HCFC2: variants seen among roughly 807,000 people sequenced by gnomAD.
HCFC2 encodes the protein host cell factor 2.
In HCFC2, 18 loss-of-function variants were observed where a neutral mutation model predicts 89.2. The observed-to-expected ratio is 0.20, with a 90% CI of 0.14 to 0.30. The LOEUF is 0.30. HCFC2 is among the 10% of genes least tolerant of loss of function. The pLI is 1.00. For synonymous variants in HCFC2, 308 were observed against 335.7 expected, an observed-to-expected ratio of 0.92 and a Z score of 0.90; for missense variants, 578 against 956.1, an observed-to-expected ratio of 0.60 and a Z score of 5.21.
At chr12:104,087,090 C>T (rs1883875758) in intron 8 of HCFC2, 76 bp downstream of exon 8, 10 of 1,417,136 alleles carry the variant, frequency 7.1e-6, no homozygotes, top group Non-Finnish European at 7.7e-6. Context: ...CGCGGTGGCT[C>T]ACGCCTGTAA....
At chr12:104,080,692 A>T in intron 4 of HCFC2, 54 bp from the exon 5 acceptor site, 1 of 1,014,480 alleles carries the variant, frequency 9.9e-7, no homozygotes, top group Non-Finnish European at 1.5e-6. Context: ...ATGGAAGTTG[A>T]GGTAATTTAC....
Position 104,103,278 on chromosome 12 carries a change from G to T in HCFC2, c.*5G>T, listed in dbSNP as rs759703540. Reference sequence around the variant, plus strand: ...AAGAAAGCACCTTTAAATTGAATTGGTTTTTTTACTGAAGCTATTGTGATG... The same window carrying T: ...AAGAAAGCACCTTTAAATTGAATTGTTTTTTTTACTGAAGCTATTGTGATG... On this transcript the variant is annotated 3_prime_UTR_variant, in exon 15 of 15. Coordinates refer to ENST00000229330, the MANE Select transcript of HCFC2 (RefSeq NM_013320.3). 81 of 1,598,020 alleles carry T rather than the reference G, an allele frequency of 5.1e-5. No individual in the cohort carries two copies. Among genetic ancestry groups the T allele is most frequent in the Non-Finnish European group, 5.3e-5 (62 of 1,168,916 alleles).
intron 9 of HCFC2, among the ~76,000 whole-genome samples, chr12:104,090,617 T>G (rs1015201380): frequency 3.3e-5 from 5 of 152,198 alleles, no homozygotes; most frequent in Non-Finnish European, 7.3e-5. Flanking sequence ...AGCCTCATTT[T>G]ATTCTTTATT....
intron 3 of HCFC2, among the ~76,000 whole-genome samples, chr12:104,075,408 T>C (rs1223703331): frequency 1.3e-5 from 2 of 151,856 alleles, no homozygotes; most frequent in Non-Finnish European, 2.9e-5. Context: ...TAGTTTATTT[T>C]CTTTGACTCT....
chr12:104,075,668 C>A (rs1334932437), intron 3 of HCFC2, among the ~76,000 whole-genome samples: 1 of 152,100 alleles, frequency 6.6e-6, no homozygotes, highest in Non-Finnish European at 1.5e-5. Context: ...CCATGTTGTC[C>A]AGGCTGGTCT....
At position 104,103,413 on chromosome 12, in the gene HCFC2, A is replaced by G. The variant is rs547297695; in HGVS notation, c.*140A>G. On this transcript the variant is annotated 3_prime_UTR_variant, in exon 15 of 15. Transcript: ENST00000229330. ...AGTTTGTAAATTGTTCTTAAAATGTATTTGCTGAATTATAGATCCAAATAA... is the reference window on the plus strand; with the variant it reads ...AGTTTGTAAATTGTTCTTAAAATGTGTTTGCTGAATTATAGATCCAAATAA... The G allele has an allele frequency of 7.4e-4, 503 of 679,622 alleles. No individual in the cohort carries two copies. Among genetic ancestry groups the G allele is most frequent in the South Asian group, 1.4e-3 (63 of 45,296 alleles). 42.1% of individuals were successfully genotyped at this position (679,622 alleles called of 1,614,324 possible). A position where few individuals can be genotyped will look rare whatever the true frequency, so the allele number is the denominator to read the frequency against.
chr12:104,093,241 C>T (rs1332393792), intron 9 of HCFC2, 145 bp from the exon 10 acceptor site: 2 of 541,328 alleles, frequency 3.7e-6, no homozygotes, highest in Non-Finnish European at 6.3e-6. Context: ...GAAGAATAAT[C>T]CTGTAGAAAT....
intron 3 of HCFC2, among the ~76,000 whole-genome samples, chr12:104,069,251 A>G (rs916146413): frequency 2.0e-5 from 3 of 152,184 alleles, no homozygotes; most frequent in Non-Finnish European, 4.4e-5. Flanking sequence ...GGTTGCAGTG[A>G]GCCGAGATCG....
chr12:104,080,855 TTC>T (rs770982258), intron 5 of HCFC2, 25 bp downstream of exon 5: 3 of 1,479,332 alleles, frequency 2.0e-6, no homozygotes, highest in Non-Finnish European at 2.8e-6. Context: ...TGTATTTTGC[TTC>T]TGTTTTTTTT....
chr12:104,094,175 C>A (rs1412083160), intron 10 of HCFC2, among the ~76,000 whole-genome samples: 7 of 152,110 alleles, frequency 4.6e-5, no homozygotes, highest in Non-Finnish European at 1.0e-4. Context: ...CAGCAATATA[C>A]TGGTAAAGAT....
intron 7 of HCFC2, among the ~76,000 whole-genome samples, chr12:104,086,619 A>AAAATAAATAAATAAATAAAT (rs58372181): frequency 4.1e-5 from 6 of 146,462 alleles, no homozygotes; most frequent in East Asian, 2.0e-4. Flanking sequence ...TTTGTCTAAG[A>AAAATAAATAAATAAATAAAT]AAATAAATAA....
In HCFC2 at chr12:104,106,127, T is replaced by C. The variant is rs886700789; in HGVS notation, c.*2854T>C. The C allele has an allele frequency of 2.0e-5, 3 of 152,114 alleles. No homozygotes were observed. The highest frequency in any genetic ancestry group is 1.3e-4 in the Admixed American group (2 of 15,276). 9.4% of individuals were successfully genotyped at this position (152,114 alleles called of 1,614,324 possible). On this transcript the variant is annotated 3_prime_UTR_variant, in exon 15 of 15. Coordinates refer to ENST00000229330, the MANE Select transcript of HCFC2 (RefSeq NM_013320.3). ...TTTTTAAAAAATTGAAATAATCTGA[T>C]TGCATGTATGAAGGACTCCTGCCTC...
intron 7 of HCFC2, among the ~76,000 whole-genome samples, chr12:104,086,061 G>A (rs1322104821): frequency 6.9e-6 from 1 of 145,028 alleles, no homozygotes; most frequent in African/African-American, 2.6e-5. Context: ...GCAGTGTTGC[G>A]ACCTCGGCTC....
At chr12:104,086,741 A>C in intron 7 of HCFC2, 106 bp from the exon 8 acceptor site, 2 of 899,692 alleles carry the variant, frequency 2.2e-6, no homozygotes, top group Non-Finnish European at 3.3e-6. Flanking sequence ...TAAGCAGATG[A>C]AATGTTCATT....
chr12:104,071,237 CA>C (rs757532706), intron 3 of HCFC2, among the ~76,000 whole-genome samples: 7 of 152,218 alleles, frequency 4.6e-5, no homozygotes, highest in Non-Finnish European at 1.0e-4. Flanking sequence ...CCAACATAGG[CA>C]AATACACATA....
Position 104,066,195 on chromosome 12 carries a change from TAGA to T in HCFC2, c.193_195del (p.Arg65del). 6.2e-7 allele frequency: 1 copy of T among 1,613,512 alleles called. No individual in the cohort carries two copies. The highest frequency in any genetic ancestry group is 8.5e-7 in the Non-Finnish European group (1 of 1,179,818). Reference sequence around the variant, plus strand: ...CGAATCAGTGGTTTCTGCCAGCTGTTAGAGGAGATATCCCTCCAGGCTGTGCTG... The same window carrying T: ...CGAATCAGTGGTTTCTGCCAGCTGTTGGAGATATCCCTCCAGGCTGTGCTG... On this transcript the variant is annotated inframe_deletion, in exon 2 of 15. Coordinates refer to ENST00000229330, the MANE Select transcript of HCFC2 (RefSeq NM_013320.3).
intron 7 of HCFC2, among the ~76,000 whole-genome samples, chr12:104,085,101 T>G (rs934326407): frequency 1.3e-5 from 2 of 152,178 alleles, no homozygotes; most frequent in Admixed American, 1.3e-4. Context: ...GTATAATGAC[T>G]CCAGTGTTTT....
intron 3 of HCFC2, among the ~76,000 whole-genome samples, chr12:104,075,857 A>G (rs1446310103): frequency 1.3e-5 from 2 of 151,816 alleles, no homozygotes; most frequent in Non-Finnish European, 2.9e-5. Context: ...TCCTGTGATT[A>G]TATCTTTGGC....
At position 104,095,463 on chromosome 12, in the gene HCFC2, T is replaced by G; in HGVS notation, c.1566T>G (p.Thr522=). Residue 522 remains threonine, a synonymous_variant, in exon 11 of 15, where the codon ACT becomes ACG. Transcript: ENST00000229330. This position sits in a 1 kb window ranked among gnomAD's most constrained non-coding sequence, Gnocchi z 4.2. ...CCAGTACTGTTTCCAGCACACAAAC[T>G]ATGGTAACCCAGCAGACCATTAAAA... ...SVSSTVSSTQ[T]MVTQQTIKTE... The G allele has an allele frequency of 2.5e-6, 4 of 1,613,760 alleles. No homozygotes were observed. The highest frequency in any genetic ancestry group is 2.5e-6 in the Non-Finnish European group (3 of 1,179,778).
Sources: allele counts gnomAD v4.1 joint callset (sites outside exome capture counted in the v4.1 genomes callset), GRCh38; gene constraint gnomAD v4.1.1; non-coding constraint Gnocchi (gnomAD v3.1); transcripts MANE v1.5; gene names NCBI Gene and HGNC (gene_info 2026-07-23, HGNC 2026-07-21).